The following NINL variants were observed in gnomAD, a reference collection of about 807,000 sequenced individuals.
NINL encodes ninein like.
A neutral mutation model predicts 160.3 loss-of-function variants in NINL; 153 were observed. The observed-to-expected ratio is 0.95, with a 90% CI of 0.84 to 1.09. The LOEUF is 1.09. Ranked by LOEUF, NINL falls within the 50% of genes least tolerant of loss-of-function variation. The pLI, the probability that NINL is intolerant of heterozygous loss-of-function variation, is 0.00. For missense variants in NINL, 1,829 were observed against 1,764.0 expected (o/e 1.04, Z -0.66); for synonymous variants, 800 against 734.8 (o/e 1.09, Z -1.43).
chr20:25,580,265 C>T (rs1459515992), intron 1 of NINL, among the ~76,000 whole-genome samples: 1 of 151,748 alleles, frequency 6.6e-6, no homozygotes, highest in African/African-American at 2.4e-5. Flanking sequence ...ACCCAGCAGG[C>T]AGAGGTTGCC....
At chr20:25,479,411 C>A (rs957324107) in intron 15 of NINL, among the ~76,000 whole-genome samples, 2 of 152,162 alleles carry the variant, frequency 1.3e-5, no homozygotes, top group Non-Finnish European at 2.9e-5. Flanking sequence ...AGTCACCTAT[C>A]CCCCCTGAGG....
At chr20:25,521,388 T>C (rs1379155140) in intron 2 of NINL, among the ~76,000 whole-genome samples, 5 of 152,256 alleles carry the variant, frequency 3.3e-5, no homozygotes, top group Admixed American at 3.3e-4. Flanking sequence ...TTATATTTTG[T>C]GTCTAACAAT....
chr20:25,459,570 C>T (rs985879734), intron 21 of NINL, among the ~76,000 whole-genome samples: 5 of 152,196 alleles, frequency 3.3e-5, no homozygotes, highest in Admixed American at 6.5e-5. Context: ...TGGCTGCCGC[C>T]GCCCAGGCCT....
chr20:25,470,478 T>C (rs1014699240), intron 17 of NINL, among the ~76,000 whole-genome samples: 7 of 152,200 alleles, frequency 4.6e-5, no homozygotes, highest in Non-Finnish European at 2.9e-5. Flanking sequence ...ACTCATGCCC[T>C]GGCAGTGAAC....
intron 1 of NINL, among the ~76,000 whole-genome samples, chr20:25,564,876 C>T (rs1356068623): frequency 6.6e-6 from 1 of 151,664 alleles, no homozygotes; most frequent in Middle Eastern, 3.2e-3. Flanking sequence ...AAGACAAACT[C>T]CTACCTAAAA....
intron 1 of NINL, among the ~76,000 whole-genome samples, chr20:25,547,084 T>C (rs1298531542): frequency 4.6e-5 from 7 of 152,170 alleles, no homozygotes; most frequent in Non-Finnish European, 8.8e-5. Flanking sequence ...GGTCCTAGGT[T>C]CCTGACATAC....
At chr20:25,542,333 T>G (rs1312786324) in intron 1 of NINL, among the ~76,000 whole-genome samples, 1 of 152,126 alleles carries the variant, frequency 6.6e-6, no homozygotes, top group Non-Finnish European at 1.5e-5. Flanking sequence ...CTTCAGTCAC[T>G]GCACACAGGA....
chr20:25,525,699 AT>A (rs2064346151), intron 2 of NINL, among the ~76,000 whole-genome samples: 1 of 152,158 alleles, frequency 6.6e-6, no homozygotes, highest in Admixed American at 6.5e-5. Flanking sequence ...AAAAAATATT[AT>A]TCCTTCAAAG....
chr20:25,477,752 C>T (rs1038914498), intron 16 of NINL, among the ~76,000 whole-genome samples: 13 of 152,202 alleles, frequency 8.5e-5, no homozygotes, highest in South Asian at 2.1e-4. Flanking sequence ...GAGACAGCTC[C>T]GGGTGGGGGC....
intron 19 of NINL, 88 bp from the exon 20 acceptor site, chr20:25,462,629 T>C: frequency 2.0e-6 from 2 of 976,270 alleles, no homozygotes; most frequent in Middle Eastern, 6.3e-4. Context: ...GGCTATATTT[T>C]TATTAAGTAG....
intron 1 of NINL, among the ~76,000 whole-genome samples, chr20:25,552,112 A>C (rs984903161): frequency 2.6e-5 from 4 of 152,302 alleles, no homozygotes; most frequent in Admixed American, 2.0e-4. Flanking sequence ...TCCCAGGCTT[A>C]ACTCTCCCTT....
At chr20:25,475,379 A>T (rs1260295452) in intron 17 of NINL, among the ~76,000 whole-genome samples, 1 of 152,242 alleles carries the variant, frequency 6.6e-6, no homozygotes, top group African/African-American at 2.4e-5. Context: ...AGAATTGAAG[A>T]GAAGGGAACA....
At chr20:25,526,755 A>G (rs1368202097) in intron 1 of NINL, among the ~76,000 whole-genome samples, 157 bp from the exon 2 acceptor site, 1 of 152,232 alleles carries the variant, frequency 6.6e-6, no homozygotes, top group African/African-American at 2.4e-5. Flanking sequence ...CCAAGCACAC[A>G]GTGGGAGGAC....
chr20:25,464,100 C>A (rs1025793673), intron 19 of NINL, among the ~76,000 whole-genome samples: 1 of 152,214 alleles, frequency 6.6e-6, no homozygotes, highest in Non-Finnish European at 1.5e-5. Flanking sequence ...GGATTTTCTT[C>A]TATTCACCTT....
At chr20:25,561,564 C>T (rs2064937911) in intron 1 of NINL, among the ~76,000 whole-genome samples, 1 of 151,908 alleles carries the variant, frequency 6.6e-6, no homozygotes, top group African/African-American at 2.4e-5. Flanking sequence ...CTCTGCCCGG[C>T]CGCCATCCCA....
In NINL at chr20:25,476,293, GGGCCTGCTGCTCCGA is replaced by G. The variant is rs774544583; in HGVS notation, c.2983_2997del (p.Ser995_Ala999del). ...CCAGGCTCCAGGGCGCCCTCGGCCC[GGGCCTGCTGCTCCGA>G]GGCCTGCTCCTGGGTGCCCCTGCTC... On this transcript the variant is annotated inframe_deletion, in exon 17 of 24. Transcript: ENST00000278886. The G allele has an allele frequency of 2.5e-6, 4 of 1,613,384 alleles. No homozygotes were observed. The highest frequency in any genetic ancestry group is 3.3e-4 in the Middle Eastern group (2 of 6,038).
At chr20:25,521,729 T>G (rs1173868459) in intron 2 of NINL, among the ~76,000 whole-genome samples, 1 of 152,222 alleles carries the variant, frequency 6.6e-6, no homozygotes, top group Non-Finnish European at 1.5e-5. Flanking sequence ...GATTCTTCCT[T>G]AAATTTGGGG....
chr20:25,476,852 G>C lies in NINL; in HGVS notation c.2439C>G (p.Arg813=). Residue 813 remains arginine (R), a synonymous_variant, in exon 17 of 24, where the codon CGC becomes CGG. Coordinates refer to ENST00000278886, the MANE Select transcript of NINL (RefSeq NM_025176.6). ...GGGAGGGCCCGTCCACTCGCTTCCC[G>C]CGGGCAAGCTCCAACTCCTCCTCCT... The part of the protein sequence containing the change: ...ALEEEELELA[R]GKRVDGPSLE... 4 of 1,613,326 alleles carry C rather than the reference G, an allele frequency of 2.5e-6. No individual in the cohort carries two copies. The highest frequency in any genetic ancestry group is 3.4e-6 in the Non-Finnish European group (4 of 1,179,908).
intron 9 of NINL, 54 bp downstream of exon 9, chr20:25,498,147 CCCCCTCCAG>C: frequency 6.3e-7 from 1 of 1,591,730 alleles, no homozygotes; most frequent in Non-Finnish European, 8.6e-7. Context: ...TGTCCCAGAC[CCCCCTCCAG>C]GCCCACCTGG....
Sources: gnomAD v4.1 joint callset for allele counts (sites outside exome capture counted in the v4.1 genomes callset) on GRCh38, gnomAD v4.1.1 for gene constraint, MANE v1.5 for transcripts, NCBI Gene and HGNC (gene_info 2026-07-23, HGNC 2026-07-21) for gene names.